The following GABRA3 variants were observed in gnomAD, a reference collection of about 807,000 sequenced individuals.
GABRA3 encodes gamma-aminobutyric acid receptor subunit alpha-3.
GABRA3 carries 10 observed loss-of-function variants against 30.1 expected under a neutral mutation model. The ratio of observed to expected loss-of-function variants is 0.33; its 90% confidence interval spans 0.20 to 0.56. GABRA3 has a LOEUF of 0.56. GABRA3 is among the 20% of genes least tolerant of loss of function. The pLI, the probability that GABRA3 is intolerant of heterozygous loss-of-function variation, is 0.89. For synonymous variants in GABRA3, 151 were observed against 146.8 expected (o/e 1.03, Z -0.21); for missense variants, 233 against 392.0 (o/e 0.59, Z 3.42).
intron 9 of GABRA3, among the ~76,000 whole-genome samples, chrX:152,189,522 T>A (rs1240146452): frequency 9.0e-6 from 1 of 111,115 alleles, no homozygotes; most frequent in Non-Finnish European, 1.9e-5. Flanking sequence ...CCACAAGACA[T>A]CAACCCTCCA....
chrX:152,381,133 C>G (rs986249918), intron 1 of GABRA3, among the ~76,000 whole-genome samples: 2 of 111,958 alleles, frequency 1.8e-5, no homozygotes, highest in African/African-American at 6.5e-5. Context: ...CACAAAAGCC[C>G]TGACCAGCAG....
intron 5 of GABRA3, among the ~76,000 whole-genome samples, chrX:152,235,445 G>A (rs1038174560): frequency 2.7e-5 from 3 of 111,143 alleles, no homozygotes; most frequent in African/African-American, 9.8e-5. Context: ...ACATTAAATT[G>A]TCTCTGTCTG....
intron 4 of GABRA3, among the ~76,000 whole-genome samples, chrX:152,275,100 A>T (rs1183843338): frequency 2.3e-5 from 2 of 86,865 alleles, no homozygotes; most frequent in Admixed American, 3.2e-4. Flanking sequence ...GTATACATGT[A>T]TCATATATTA....
intron 3 of GABRA3, among the ~76,000 whole-genome samples, chrX:152,329,531 G>A (rs185608412): frequency 3.2e-3 from 361 of 111,510 alleles, no homozygotes; most frequent in Admixed American, 8.2e-3. Context: ...ACAGCCCTCA[G>A]AAATAATACC....
intron 1 of GABRA3, among the ~76,000 whole-genome samples, chrX:152,373,450 G>A (rs1420063276): frequency 9.0e-6 from 1 of 111,652 alleles, no homozygotes; most frequent in African/African-American, 3.3e-5. Flanking sequence ...AGATCTTTGA[G>A]GAATTGCCAC....
chrX:152,345,912 T>G (rs1041720120), intron 2 of GABRA3, among the ~76,000 whole-genome samples: 1 of 111,432 alleles, frequency 9.0e-6, no homozygotes, highest in Non-Finnish European at 1.9e-5. Flanking sequence ...ACTCTTACTC[T>G]AGCATTGGTA....
At chrX:152,325,289 G>A (rs1027102826) in intron 3 of GABRA3, among the ~76,000 whole-genome samples, 11 of 111,989 alleles carry the variant, frequency 9.8e-5, no homozygotes, top group East Asian at 5.6e-4. Flanking sequence ...AGCTCCCAGC[G>A]TGAGCAATGC....
intron 5 of GABRA3, among the ~76,000 whole-genome samples, chrX:152,250,221 C>T (rs772536596): frequency 1.8e-3 from 196 of 111,127 alleles, no homozygotes; most frequent in African/African-American, 6.0e-3. Flanking sequence ...TTTGCACCTC[C>T]ATTTCAGGAA....
At chrX:152,365,334 C>T (rs996548505) in intron 1 of GABRA3, among the ~76,000 whole-genome samples, 5 of 111,304 alleles carry the variant, frequency 4.5e-5, no homozygotes, top group Non-Finnish European at 7.5e-5. Flanking sequence ...ATAGGGGACA[C>T]AACAAAAAGA....
chrX:152,235,097 C>A (rs183584329), intron 5 of GABRA3, among the ~76,000 whole-genome samples: 8 of 111,988 alleles, frequency 7.1e-5, no homozygotes, highest in African/African-American at 2.6e-4. Flanking sequence ...TCTTCCAATG[C>A]ATAAGCCTGG....
At chrX:152,406,814 A>G (rs1353161457) in intron 1 of GABRA3, among the ~76,000 whole-genome samples, 3 of 110,823 alleles carry the variant, frequency 2.7e-5, no homozygotes, top group African/African-American at 9.8e-5. Flanking sequence ...TTCTTCTACT[A>G]AGCACATGGA....
At chrX:152,237,955 C>T (rs1398877978) in intron 5 of GABRA3, among the ~76,000 whole-genome samples, 6 of 110,488 alleles carry the variant, frequency 5.4e-5, no homozygotes, top group Non-Finnish European at 7.6e-5. Flanking sequence ...CAATTTGACT[C>T]CCTCTTTTCC....
intron 1 of GABRA3, among the ~76,000 whole-genome samples, chrX:152,444,758 G>GTTTT (rs1931030631): frequency 3.4e-5 from 2 of 59,117 alleles, no homozygotes; most frequent in African/African-American, 6.0e-5. Context: ...GTTTTTTTTT[G>GTTTT]TTTGTTTGTT....
intron 1 of GABRA3, among the ~76,000 whole-genome samples, chrX:152,380,570 GATATCTCTTCAAT>G (rs1454890751): frequency 8.9e-6 from 1 of 111,905 alleles, no homozygotes; most frequent in Non-Finnish European, 1.9e-5. Flanking sequence ...TGGGAGTGCA[GATATCTCTTCAAT>G]ATATTGATCT....
intron 2 of GABRA3, among the ~76,000 whole-genome samples, chrX:152,360,840 A>G (rs1928481077): frequency 9.4e-6 from 1 of 106,833 alleles, no homozygotes; most frequent in Non-Finnish European, 1.9e-5. Flanking sequence ...TGGGAGGTCA[A>G]TGTGGGAAGA....
chrX:152,170,064 G>GT (rs745344860), intron 9 of GABRA3, among the ~76,000 whole-genome samples: 1 of 112,275 alleles, frequency 8.9e-6, no homozygotes, highest in East Asian at 2.8e-4. Context: ...AATGGAAAGG[G>GT]TAAAACATGA....
At chrX:152,307,530 T>C (rs1939738029) in intron 3 of GABRA3, among the ~76,000 whole-genome samples, 1 of 111,479 alleles carries the variant, frequency 9.0e-6, no homozygotes, top group Non-Finnish European at 1.9e-5. Context: ...GACCAGCCAA[T>C]ATGATGTAGG....
At chrX:152,211,357 T>C (rs1289036684) in intron 6 of GABRA3, among the ~76,000 whole-genome samples, 1 of 109,117 alleles carries the variant, frequency 9.2e-6, no homozygotes, top group Non-Finnish European at 1.9e-5. Context: ...ACTGTGTAGC[T>C]ATCGGTATCT....
At chrX:152,293,521 T>C (rs1196742778) in intron 3 of GABRA3, among the ~76,000 whole-genome samples, 1 of 111,398 alleles carries the variant, frequency 9.0e-6, no homozygotes, top group Non-Finnish European at 1.9e-5. Flanking sequence ...AATTTGTCAG[T>C]CTGTGTCTTT....
Sources: allele counts gnomAD v4.1 joint callset (sites outside exome capture counted in the v4.1 genomes callset), GRCh38; gene constraint gnomAD v4.1.1; transcripts MANE v1.5; gene names NCBI Gene and HGNC (gene_info 2026-07-23, HGNC 2026-07-21).